Variants in RFX4 observed in about 807,000 individuals in gnomAD.
RFX4 encodes transcription factor RFX4.
Under a neutral mutation model 95.0 loss-of-function variants are expected in RFX4, and 10 were observed. That is an observed-to-expected ratio of 0.11 (90% confidence interval 0.06 to 0.18). The LOEUF (loss-of-function observed/expected upper bound fraction) is 0.18. RFX4 is among the 10% of genes least tolerant of loss of function. RFX4 has a pLI of 1.00. For synonymous variants in RFX4, 321 were observed against 340.7 expected (o/e 0.94, Z 0.64); for missense variants, 640 against 922.0 (o/e 0.69, Z 3.96).
chr12:106,684,638 T>C (rs557073885), intron 5 of RFX4: 1 of 1,345,574 alleles, frequency 7.4e-7, no homozygotes, highest in South Asian at 1.6e-5. Flanking sequence ...GTTACGGTGG[T>C]GTGTCATAAC....
chr12:106,679,655 C>T (rs1455083260), intron 4 of RFX4, among the ~76,000 whole-genome samples: 1 of 152,144 alleles, frequency 6.6e-6, no homozygotes, highest in African/African-American at 2.4e-5. Context: ...TTAGAACCCA[C>T]TTTTAACCAA....
Position 106,715,603 on chromosome 12 carries a change from G to A in RFX4, c.1138+59G>A, listed in dbSNP as rs2042272725. 4.1e-5 allele frequency: 65 copies of A among 1,591,770 alleles called. No homozygotes were observed. The South Asian group carries it at 6.3e-4, about 15-fold the overall frequency. On this transcript the variant is annotated intron_variant, in intron 11 of 17. Coordinates refer to ENST00000392842, the MANE Select transcript of RFX4 (RefSeq NM_213594.3). ...TTTATTTTTAAAAGAAAGAAAAAGT[G>A]TCTTAGTAAATACCGAAGTGGCATC...
At chr12:106,705,387 T>G (rs1217665074) in intron 8 of RFX4, among the ~76,000 whole-genome samples, 1 of 152,152 alleles carries the variant, frequency 6.6e-6, no homozygotes, top group Non-Finnish European at 1.5e-5. Context: ...AGGAAAAGTG[T>G]GTCCCTAGAA....
At chr12:106,730,383 C>T (rs1368071345) in intron 13 of RFX4, among the ~76,000 whole-genome samples, 6 of 152,118 alleles carry the variant, frequency 3.9e-5, no homozygotes, top group African/African-American at 1.4e-4. Context: ...GCCATCTGGG[C>T]CTTATTTTCT....
At chr12:106,636,164 A>C (rs527866252) in intron 2 of RFX4, among the ~76,000 whole-genome samples, 2 of 152,148 alleles carry the variant, frequency 1.3e-5, no homozygotes, top group Admixed American at 6.5e-5. Flanking sequence ...CAGTCACCTG[A>C]GGTCAGGAGT....
intron 17 of RFX4, 118 bp downstream of exon 17, chr12:106,750,911 G>C: frequency 1.2e-6 from 1 of 834,914 alleles, no homozygotes; most frequent in Non-Finnish European, 1.7e-6. Context: ...TCCCCAAGGA[G>C]AGGACAGTCT....
intron 2 of RFX4, among the ~76,000 whole-genome samples, chr12:106,625,742 AG>A (rs2040284780): frequency 6.6e-6 from 1 of 151,806 alleles, no homozygotes; most frequent in South Asian, 2.1e-4. Context: ...AAGAAAGAGG[AG>A]GGAGCCAATA....
At position 106,639,312 on chromosome 12, in the gene RFX4, C is replaced by A; in HGVS notation, c.131-20C>A. On this transcript the variant is annotated intron_variant, in intron 2 of 17. Transcript: ENST00000392842. ...TACTGTTTCCTACTGAAGTTAGCTT[C>A]TTTTTCTTTCCTTTAACAGATGAGG... 6.2e-6 allele frequency: 10 copies of A among 1,610,106 alleles called. No individual in the cohort carries two copies. Among genetic ancestry groups the A allele is most frequent in the Non-Finnish European group, 8.5e-6 (10 of 1,178,406 alleles).
rs371927014 is a variant in RFX4, at chr12:106,641,967, C to CTATATCTATCTA, written c.191+2578_191+2579insATCTATCTATAT. On this transcript the variant is annotated intron_variant, in intron 3 of 17. Transcript: ENST00000392842. ...TGTCTATATCTATCTATATCTATAT[C>CTATATCTATCTA]TATCTATATCTATATCTATATCTAT... Among the ~76,000 whole-genome samples, 774 of 135,012 alleles carry CTATATCTATCTA rather than the reference C, an allele frequency of 5.7e-3. 1 individual carries two copies. The highest frequency in any genetic ancestry group is 8.0e-3 in the Admixed American group (106 of 13,322). The allele number at this position is 135,012 out of a possible 152,430, so 88.6% of individuals were successfully genotyped here.
chr12:106,674,267 G>A lies in RFX4; in HGVS notation c.316-7726G>A, dbSNP rs549072296. Among the ~76,000 whole-genome samples the A allele has an allele frequency of 3.4e-4, 52 of 152,024 alleles. No homozygotes were observed. In the Middle Eastern group the frequency reaches 0.01, roughly 30 times the overall value. ...TCTCACTTCCTTTAGGTCACTACTC[G>A]GATGCCACATCATCACAGAGTCCTA... On this transcript the variant is annotated intron_variant, in intron 4 of 17. Coordinates refer to ENST00000392842, the MANE Select transcript of RFX4 (RefSeq NM_213594.3).
chr12:106,691,729 T>C (rs2041787338), intron 7 of RFX4, among the ~76,000 whole-genome samples: 2 of 152,254 alleles, frequency 1.3e-5, no homozygotes. Flanking sequence ...GAAGCTCATC[T>C]GTCTTGTTCA....
At chr12:106,747,936 A>AAG (rs2042926024) in intron 16 of RFX4, among the ~76,000 whole-genome samples, 1 of 151,682 alleles carries the variant, frequency 6.6e-6, no homozygotes, top group South Asian at 2.1e-4. Flanking sequence ...TTAAAAAAAA[A>AAG]AAAAAAAGAA....
Position 106,713,071 on chromosome 12 carries a change from C to T in RFX4, c.993+1560C>T, listed in dbSNP as rs565820822. ...TATGTAATTTAATCAGCAAATGCCC[C>T]ATTTCCATCTCTACCGGAAAGCTTT... On this transcript the variant is annotated intron_variant, in intron 10 of 17. Coordinates refer to ENST00000392842, the MANE Select transcript of RFX4 (RefSeq NM_213594.3). Among the ~76,000 whole-genome samples the T allele has an allele frequency of 2.0e-5, 3 of 152,310 alleles. No homozygotes were observed. The East Asian group carries it at 5.8e-4, about 29-fold the overall frequency.
intron 1 of RFX4, among the ~76,000 whole-genome samples, chr12:106,596,118 T>C (rs1166013147): frequency 1.3e-5 from 2 of 152,218 alleles, no homozygotes; most frequent in Non-Finnish European, 2.9e-5. Context: ...TGATATGGTT[T>C]GGCTCTGTGT....
chr12:106,711,456 C>T lies in RFX4; in HGVS notation c.938C>T (p.Ser313Leu), dbSNP rs1281016026. The change falls in exon 10 of 18, where the codon TCG becomes TTG. Residue 313 changes from serine (S) to leucine (L), a missense_variant. Ser to Leu is a moderately radical substitution (Grantham distance 145). Coordinates refer to ENST00000392842, the MANE Select transcript of RFX4 (RefSeq NM_213594.3). ...ACTAATTCTTTTCTCCTTGCAGTGT[C>T]GAGAAGGTTCTCCCAAATTCTGAGA... ...ENLRNIKFEL[S>L]RRFSQILRRQ... is the part of the protein sequence containing the mutation. 3.1e-6 allele frequency: 5 copies of T among 1,613,248 alleles called. No individual in the cohort carries two copies. The South Asian group carries it at 4.4e-5, about 14-fold the overall frequency.
At chr12:106,585,637 C>G (rs1592822415) in intron 1 of RFX4, 1 of 152,254 alleles carries the variant, frequency 6.6e-6, no homozygotes, top group Non-Finnish European at 1.5e-5. Flanking sequence ...GGTCTTTTCT[C>G]CTGGCTTGCA....
At chr12:106,590,937 T>A (rs2039530721) in intron 1 of RFX4, among the ~76,000 whole-genome samples, 1 of 151,558 alleles carries the variant, frequency 6.6e-6, no homozygotes, top group Non-Finnish European at 1.5e-5. Context: ...AGAGTGAGAC[T>A]CTGTCTCAAA....
chr12:106,592,823 TA>T (rs1225172753), intron 1 of RFX4, among the ~76,000 whole-genome samples: 2 of 152,236 alleles, frequency 1.3e-5, no homozygotes, highest in Non-Finnish European at 2.9e-5. Context: ...AACGTGAGGA[TA>T]AAACGTCCAT....
At position 106,702,975 on chromosome 12, in the gene RFX4, G is replaced by A. The variant is rs564571950; in HGVS notation, c.834-6355G>A. ...ACACCTGGTGAGGCCTGTGGAGGAG[G>A]GCTTGCAAATAGATGTGAACTTCTT... On this transcript the variant is annotated intron_variant, in intron 8 of 17. Coordinates refer to ENST00000392842, the MANE Select transcript of RFX4 (RefSeq NM_213594.3). Among the ~76,000 whole-genome samples the A allele has an allele frequency of 1.4e-3, 218 of 152,290 alleles. 1 individual carries two copies. The highest frequency in any genetic ancestry group is 2.4e-3 in the Non-Finnish European group (161 of 68,018).
Sources: gnomAD v4.1 joint callset for allele counts (sites outside exome capture counted in the v4.1 genomes callset) on GRCh38, gnomAD v4.1.1 for gene constraint, MANE v1.5 for transcripts, NCBI Gene and HGNC (gene_info 2026-07-23, HGNC 2026-07-21) for gene names.